The following RPH3AL variants were observed in gnomAD, a reference collection of about 807,000 sequenced individuals.
RPH3AL encodes the protein rabphilin 3A like (without C2 domains).
RPH3AL carries 38 observed loss-of-function variants against 43.1 expected under a neutral mutation model. The ratio of observed to expected loss-of-function variants is 0.88; its 90% CI spans 0.68 to 1.15. The LOEUF (loss-of-function observed/expected upper bound fraction) is 1.15, where lower values mean the gene tolerates loss of function less well. Among genes scored for constraint, RPH3AL ranks in the 50% most tolerant of loss-of-function variants. The pLI is 0.00. For synonymous variants in RPH3AL, 189 were observed against 176.3 expected (o/e 1.07, Z -0.57); for missense variants, 462 against 423.2 (o/e 1.09, Z -0.81).
chr17:260,794 CCT>C (rs1440264958), intron 6 of RPH3AL, among the ~76,000 whole-genome samples: 1 of 152,114 alleles, frequency 6.6e-6, no homozygotes. Context: ...ACCCAGCCTC[CCT>C]CTCAGCCTCA....
chr17:299,456 G>A (rs1442444778), intron 5 of RPH3AL, among the ~76,000 whole-genome samples: 1 of 151,628 alleles, frequency 6.6e-6, no homozygotes, highest in African/African-American at 2.4e-5. Flanking sequence ...TTGAGGCCCA[G>A]GCTAAAAGGA....
chr17:215,614 G>C lies in RPH3AL; in HGVS notation c.876+40C>G, dbSNP rs371824473. On this transcript the variant is annotated intron_variant, in intron 9 of 9. Coordinates refer to ENST00000331302, the MANE Select transcript of RPH3AL (RefSeq NM_006987.4). The surrounding 1 kb of genome is among the most constrained non-coding windows in gnomAD (Gnocchi z 4.1). The stretch of plus-strand genomic sequence containing the variant: ...AGTGAGTGAGAGAGGACACGGCCGC[G>C]GGGGCAGGAGAGGGGAGAAGGCAGC... The C allele has an allele frequency of 4.0e-6, 5 of 1,255,516 alleles. No individual in the cohort carries two copies. The highest frequency in any genetic ancestry group is 5.0e-6 in the Non-Finnish European group (5 of 995,302). The allele number at this position is 1,255,516 out of a possible 1,614,324, so 77.8% of individuals were successfully genotyped here.
rs562069096 is a variant in RPH3AL, at chr17:253,714, G to A, written c.439-6429C>T. Among the ~76,000 whole-genome samples the A allele has an allele frequency of 1.6e-3, 214 of 133,568 alleles. 24 individuals are homozygous for A. The highest frequency in any genetic ancestry group is 2.8e-3 in the Non-Finnish European group (169 of 61,042). The allele number at this position is 133,568 out of a possible 152,430, so 87.6% of individuals were successfully genotyped here. On this transcript the variant is annotated intron_variant, in intron 6 of 9. Coordinates refer to ENST00000331302, the MANE Select transcript of RPH3AL (RefSeq NM_006987.4). ...GTACTTCCTATGAGGGGAGCCGCACGGCGTCTGTCCTTTTCCATCCCTAGG... is the reference window on the plus strand; with the variant it reads ...GTACTTCCTATGAGGGGAGCCGCACAGCGTCTGTCCTTTTCCATCCCTAGG...
At chr17:298,140 C>T (rs1037463927) in intron 5 of RPH3AL, among the ~76,000 whole-genome samples, 2 of 152,132 alleles carry the variant, frequency 1.3e-5, no homozygotes, top group Admixed American at 1.3e-4. Flanking sequence ...CCTCCATGAC[C>T]CAGTGCCAGG....
chr17:268,121 T>C (rs1006490606), intron 6 of RPH3AL, among the ~76,000 whole-genome samples: 1 of 152,162 alleles, frequency 6.6e-6, no homozygotes. Flanking sequence ...AGTTGACCCA[T>C]GAACCACATG....
In RPH3AL at chr17:319,512, C is replaced by T. The variant is rs1370733974; in HGVS notation, c.259G>A (p.Val87Met). 4.3e-6 allele frequency: 7 copies of T among 1,612,176 alleles called. No homozygotes were observed. Among genetic ancestry groups the T allele is most frequent in the Non-Finnish European group, 5.1e-6 (6 of 1,179,974 alleles). ...VERLETMRRN[V>M]MGNGLSQCLL... ...CACTGGGACAGGCCGTTCCCCATCA[C>T]ATTCCGCCTCATGGTCTCCAGCCGC... Residue 87 changes from valine (V) to methionine (M), a missense_variant, in exon 5 of 10, where the codon GTG (valine) becomes ATG (methionine). Val to Met is a conservative substitution (Grantham distance 21). Coordinates refer to ENST00000331302, the MANE Select transcript of RPH3AL (RefSeq NM_006987.4).
chr17:333,000 C>T (rs1442861218), intron 2 of RPH3AL: 5 of 1,284,672 alleles, frequency 3.9e-6, no homozygotes, highest in Non-Finnish European at 4.1e-6. Flanking sequence ...GACAGAGGCT[C>T]ATCAGCCCCA....
At chr17:293,300 T>TA (rs774744733) in intron 5 of RPH3AL, among the ~76,000 whole-genome samples, 2 of 152,184 alleles carry the variant, frequency 1.3e-5, no homozygotes, top group East Asian at 1.9e-4. Flanking sequence ...AGAGGAGGGT[T>TA]AAAAAAGGCA....
chr17:273,340 A>G (rs1382414197), intron 6 of RPH3AL, among the ~76,000 whole-genome samples: 3 of 91,440 alleles, frequency 3.3e-5, no homozygotes, highest in Admixed American at 2.2e-4. Context: ...GAGAGACCCC[A>G]GCGAGGGTGA....
At position 283,974 on chromosome 17, in the gene RPH3AL, C is replaced by T. The variant is rs1172553326; in HGVS notation, c.352-2120G>A. On this transcript the variant is annotated intron_variant, in intron 5 of 9. Transcript: ENST00000331302. This position sits in a 1 kb window ranked among gnomAD's most constrained non-coding sequence, Gnocchi z 4.2. ...GAGAGGAAGCACTGATGCTACTTAG[C>T]TCTGTTTTCCTTGCGAATTCCCACC... 1.3e-5 allele frequency among the ~76,000 whole-genome samples: 2 copies of T among 152,218 alleles called. No individual in the cohort carries two copies. Among genetic ancestry groups the T allele is most frequent in the East Asian group, 3.8e-4 (2 of 5,196 alleles).
chr17:330,378 A>T (rs911304512), intron 2 of RPH3AL, among the ~76,000 whole-genome samples: 2 of 152,240 alleles, frequency 1.3e-5, no homozygotes, highest in African/African-American at 4.8e-5. Flanking sequence ...TGGAGGCTCA[A>T]TCTTCTCCCA....
Position 225,752 on chromosome 17 carries a change from T to C in RPH3AL, c.614-6016A>G, listed in dbSNP as rs192817815. On this transcript the variant is annotated intron_variant, in intron 7 of 9. Transcript: ENST00000331302. This position sits in a 1 kb window ranked among gnomAD's most constrained non-coding sequence, Gnocchi z 4.4. Reference sequence around the variant, plus strand: ...AATGTCCCATCTCCCCCACAGCTAATATGGAAAATCTACACAGTCTGGGGC... The same window carrying C: ...AATGTCCCATCTCCCCCACAGCTAACATGGAAAATCTACACAGTCTGGGGC... 2.9e-4 allele frequency among the ~76,000 whole-genome samples: 44 copies of C among 151,718 alleles called. 1 individual carries two copies. The South Asian group carries it at 4.0e-3, about 14-fold the overall frequency.
intron 5 of RPH3AL, among the ~76,000 whole-genome samples, chr17:296,709 G>A (rs1241848973): frequency 6.6e-6 from 1 of 152,206 alleles, no homozygotes; most frequent in Non-Finnish European, 1.5e-5. Context: ...GCTGTTCAAC[G>A]TCACGCCCGC....
At chr17:324,677 A>G (rs924196911) in intron 3 of RPH3AL, among the ~76,000 whole-genome samples, 4 of 150,904 alleles carry the variant, frequency 2.7e-5, no homozygotes, top group East Asian at 1.9e-4. Context: ...CTTTCTTTCT[A>G]TCTTTCTATC....
At chr17:252,968 A>AT (rs1446403508) in intron 6 of RPH3AL, among the ~76,000 whole-genome samples, 6 of 152,294 alleles carry the variant, frequency 3.9e-5, no homozygotes, top group Non-Finnish European at 7.4e-5. Context: ...TTGGATGATG[A>AT]CATAGAGTCA....
At chr17:338,253 G>C (rs1215674723) in intron 1 of RPH3AL, among the ~76,000 whole-genome samples, 2 of 152,156 alleles carry the variant, frequency 1.3e-5, no homozygotes, top group Non-Finnish European at 2.9e-5. Flanking sequence ...TTTGAGCTCA[G>C]GAGTTCGAGA....
intron 5 of RPH3AL, among the ~76,000 whole-genome samples, chr17:313,867 G>A (rs1469630428): frequency 6.6e-6 from 1 of 152,098 alleles, no homozygotes; most frequent in Non-Finnish European, 1.5e-5. Context: ...CCACCATCCA[G>A]CTGTGCTCCC....
At position 213,585 on chromosome 17, in the gene RPH3AL, T is replaced by C. The variant is rs1339035905; in HGVS notation, c.*267A>G. 1 of 548,836 alleles carries C rather than the reference T, an allele frequency of 1.8e-6. No individual in the cohort carries two copies. Among genetic ancestry groups the C allele is most frequent in the Non-Finnish European group, 3.3e-6 (1 of 306,346 alleles). 34.0% of individuals were successfully genotyped at this position (548,836 alleles called of 1,614,324 possible). A position where few individuals can be genotyped will look rare whatever the true frequency, so the allele number is the denominator to read the frequency against. On this transcript the variant is annotated 3_prime_UTR_variant, in exon 10 of 10. Coordinates refer to ENST00000331302, the MANE Select transcript of RPH3AL (RefSeq NM_006987.4). ...GCGCAAACTTAAAATCATCACCAGG[T>C]AGATTGGGGGTGTGGGAGGGGAGGG...
At chr17:308,014 G>T (rs1207368806) in intron 5 of RPH3AL, among the ~76,000 whole-genome samples, 1 of 152,222 alleles carries the variant, frequency 6.6e-6, no homozygotes, top group African/African-American at 2.4e-5. Flanking sequence ...GCCGAAGCAG[G>T]CCCCTCGGGG....
Sources: gnomAD v4.1 joint callset for allele counts (sites outside exome capture counted in the v4.1 genomes callset) on GRCh38, gnomAD v4.1.1 for gene constraint, Gnocchi (gnomAD v3.1) non-coding constraint, MANE v1.5 for transcripts, NCBI Gene and HGNC (gene_info 2026-07-23, HGNC 2026-07-21) for gene names.